SLC9A2: variants seen among roughly 807,000 people sequenced by gnomAD.
SLC9A2 encodes the protein sodium/hydrogen exchanger 2.
Under a neutral mutation model 71.7 loss-of-function variants are expected in SLC9A2, and 42 were observed. The observed-to-expected ratio is 0.59, with a 90% confidence interval of 0.46 to 0.76. The LOEUF (loss-of-function observed/expected upper bound fraction) is 0.76. SLC9A2 is among the 30% of genes least tolerant of loss of function. The pLI is 0.00. For missense variants in SLC9A2, 829 were observed against 1,017.4 expected (o/e 0.81, Z 2.52); for synonymous variants, 396 against 392.5 (o/e 1.01, Z -0.10).
Position 102,627,901 on chromosome 2 carries a change from C to A in SLC9A2, c.289+7764C>A, listed in dbSNP as rs142899238. Among the ~76,000 whole-genome samples the A allele has an allele frequency of 2.8e-4, 42 of 152,176 alleles. 1 individual carries two copies. Among genetic ancestry groups the A allele is most frequent in the African/African-American group, 8.4e-4 (35 of 41,526 alleles). On this transcript the variant is annotated intron_variant, in intron 1 of 11. Coordinates refer to ENST00000233969, the MANE Select transcript of SLC9A2 (RefSeq NM_003048.6). ...TAATTAATATTATTTTCAATAGTTT[C>A]TCTGCTGGTATTTTTATGAATCCCT... is the stretch of plus-strand genomic sequence containing the variant.
Position 102,620,080 on chromosome 2 carries a change from G to C in SLC9A2, c.232G>C (p.Val78Leu). ...LPVFTLDYPH[V>L]QIPFEITLWI... ...TGTGTTTACGCTGGATTACCCCCAC[G>C]TGCAGATCCCCTTCGAGATCACCCT... Residue 78 changes from valine (V) to leucine (L), a missense_variant, in exon 1 of 12, where the codon GTG (valine) becomes CTG (leucine). Physicochemically the swap from Val to Leu is conservative, Grantham distance 32. Coordinates refer to ENST00000233969, the MANE Select transcript of SLC9A2 (RefSeq NM_003048.6). 1 of 1,613,890 alleles carries C rather than the reference G, an allele frequency of 6.2e-7. No individual in the cohort carries two copies. Among genetic ancestry groups the C allele is most frequent in the East Asian group, 2.2e-5 (1 of 44,814 alleles).
chr2:102,620,209 G>C, intron 1 of SLC9A2, 72 bp downstream of exon 1: 1 of 1,390,282 alleles, frequency 7.2e-7, no homozygotes, highest in African/African-American at 1.4e-5. Flanking sequence ...GACCGGGTCA[G>C]CCAGCTGACC....
intron 3 of SLC9A2, among the ~76,000 whole-genome samples, chr2:102,667,183 T>G (rs1677157849): frequency 6.6e-6 from 1 of 152,220 alleles, no homozygotes; most frequent in Non-Finnish European, 1.5e-5. Context: ...ATGTTCCATG[T>G]CTTTCTGGTT....
intron 5 of SLC9A2, among the ~76,000 whole-genome samples, chr2:102,684,992 A>G (rs79806272): frequency 0.015 from 2,326 of 152,322 alleles, 17 homozygotes; most frequent in Non-Finnish European, 0.025. Flanking sequence ...CAAGAAACAC[A>G]AGTAAATCAT....
At chr2:102,639,334 A>G (rs959655395) in intron 1 of SLC9A2, among the ~76,000 whole-genome samples, 1 of 152,178 alleles carries the variant, frequency 6.6e-6, no homozygotes, top group Non-Finnish European at 1.5e-5. Flanking sequence ...TACTTGTTTT[A>G]CCTTTTGAGC....
intron 1 of SLC9A2, among the ~76,000 whole-genome samples, chr2:102,634,392 C>T (rs546320960): frequency 4.2e-4 from 64 of 152,280 alleles, no homozygotes; most frequent in African/African-American, 1.5e-3. Context: ...ACTTCTCTGA[C>T]CTCTGTTATT....
chr2:102,705,696 T>C, intron 10 of SLC9A2, 150 bp from the exon 11 acceptor site: 1 of 482,458 alleles, frequency 2.1e-6, no homozygotes, highest in Non-Finnish European at 3.7e-6. Context: ...TTTCAAGTTA[T>C]AATAGTTATA....
At chr2:102,683,951 C>A (rs1466389692) in intron 4 of SLC9A2, among the ~76,000 whole-genome samples, 183 bp from the exon 5 acceptor site, 1 of 152,160 alleles carries the variant, frequency 6.6e-6, no homozygotes, top group African/African-American at 2.4e-5. Context: ...CACCCACAAT[C>A]CTGAAACAAC....
In SLC9A2 at chr2:102,657,904, T is replaced by G. The variant is rs762172123; in HGVS notation, c.630T>G (p.Phe210Leu). The change falls in exon 2 of 12, where the codon TTT becomes TTG. Residue 210 changes from phenylalanine (F) to leucine (L), a missense_variant. This residue lies in a region of SLC9A2 where 500 missense variants were observed against 726.3 expected (regional missense o/e 0.69). Transcript: ENST00000233969. ...SDITLLQNLL[F>L]GSLISAVDPV... ...TCACTTTGCTCCAGAACCTGCTCTT[T>G]GGCAGCTTAATCTCAGCTGTCGATC... 1 of 1,614,240 alleles carries G rather than the reference T, an allele frequency of 6.2e-7. No homozygotes were observed.
At chr2:102,663,311 A>T (rs1289981011) in intron 2 of SLC9A2, among the ~76,000 whole-genome samples, 1 of 152,166 alleles carries the variant, frequency 6.6e-6, no homozygotes, top group Non-Finnish European at 1.5e-5. Context: ...GGAAAAGGAA[A>T]TGTTCACTGT....
chr2:102,626,717 A>G (rs1373464562), intron 1 of SLC9A2, among the ~76,000 whole-genome samples: 2 of 152,014 alleles, frequency 1.3e-5, no homozygotes, highest in Non-Finnish European at 2.9e-5. Context: ...AACTCAAACA[A>G]ATTTACAAGA....
At chr2:102,629,914 T>C (rs955954887) in intron 1 of SLC9A2, among the ~76,000 whole-genome samples, 5 of 152,046 alleles carry the variant, frequency 3.3e-5, no homozygotes, top group African/African-American at 1.2e-4. Flanking sequence ...TCATAGGCTG[T>C]TGTGTAAAGT....
Position 102,620,082 on chromosome 2 carries a change from G to A in SLC9A2, c.234G>A (p.Val78=). Residue 78 remains valine (V), a synonymous_variant, in exon 1 of 12, where the codon GTG becomes GTA. Transcript: ENST00000233969. ...TGTTTACGCTGGATTACCCCCACGT[G>A]CAGATCCCCTTCGAGATCACCCTTT... ...LPVFTLDYPH[V]QIPFEITLWI... 1 of 1,613,906 alleles carries A rather than the reference G, an allele frequency of 6.2e-7. No homozygotes were observed. Among genetic ancestry groups the A allele is most frequent in the South Asian group, 1.1e-5 (1 of 91,026 alleles).
At chr2:102,667,944 G>A (rs902474582) in intron 3 of SLC9A2, among the ~76,000 whole-genome samples, 15 of 152,034 alleles carry the variant, frequency 9.9e-5, no homozygotes, top group African/African-American at 2.9e-4. Context: ...GCATGGTGGT[G>A]CATGTCTGTA....
chr2:102,639,788 G>A (rs1676538213), intron 1 of SLC9A2, among the ~76,000 whole-genome samples: 1 of 152,126 alleles, frequency 6.6e-6, no homozygotes, highest in South Asian at 2.1e-4. Context: ...CCTTATGTAA[G>A]CAGAATCATA....
chr2:102,621,071 G>T (rs934118668), intron 1 of SLC9A2, among the ~76,000 whole-genome samples: 3 of 152,086 alleles, frequency 2.0e-5, no homozygotes, highest in Admixed American at 6.5e-5. Context: ...GGAGGGAATT[G>T]CTTGAACCCA....
At chr2:102,649,625 G>C (rs1290959358) in intron 1 of SLC9A2, among the ~76,000 whole-genome samples, 1 of 150,850 alleles carries the variant, frequency 6.6e-6, no homozygotes, top group East Asian at 1.9e-4. Context: ...AAATTTACAA[G>C]AAAAAAACAA....
intron 1 of SLC9A2, among the ~76,000 whole-genome samples, chr2:102,637,425 C>T (rs1676490255): frequency 6.6e-6 from 1 of 152,170 alleles, no homozygotes; most frequent in Non-Finnish European, 1.5e-5. Context: ...GGCACAGTTG[C>T]AGTGCCAGCA....
rs1444471556 is a variant in SLC9A2, at chr2:102,657,845, A to G, written c.571A>G (p.Ile191Val). The change falls in exon 2 of 12, where the codon ATC becomes GTC. Residue 191 changes from isoleucine to valine, a missense_variant. By Grantham distance (29) the Ile-to-Val change is conservative (BLOSUM62 3). This residue lies in a region of SLC9A2 where 500 missense variants were observed against 726.3 expected (regional missense o/e 0.69). Coordinates refer to ENST00000233969, the MANE Select transcript of SLC9A2 (RefSeq NM_003048.6). ...SIGIGVSLFG[I>V]CQIEAFGLSD... The stretch of plus-strand genomic sequence containing the variant: ...TGGCATTGGGGTGTCTTTGTTTGGT[A>G]TCTGCCAGATCGAAGCATTCGGCCT... The G allele has an allele frequency of 1.2e-6, 2 of 1,614,208 alleles. No homozygotes were observed. The highest frequency in any genetic ancestry group is 1.3e-5 in the African/African-American group (1 of 75,062).
Sources: gnomAD v4.1 joint callset for allele counts (sites outside exome capture counted in the v4.1 genomes callset) on GRCh38, gnomAD v4.1.1 for gene constraint, gnomAD v4.1.1 regional missense constraint, MANE v1.5 for transcripts, NCBI Gene and HGNC (gene_info 2026-07-23, HGNC 2026-07-21) for gene names.